The following PIK3C3 variants were observed in gnomAD, a reference collection of about 807,000 sequenced individuals.
The protein encoded by PIK3C3 is PI3-kinase type 3.
Under a neutral mutation model 126.1 loss-of-function variants are expected in PIK3C3, and 95 were observed. The observed-to-expected ratio is 0.75, with a 90% CI of 0.64 to 0.89. The LOEUF is 0.89. Ranked by LOEUF, PIK3C3 falls within the 40% of genes least tolerant of loss-of-function variation. The pLI, the probability that PIK3C3 is intolerant of heterozygous loss-of-function variation, is 0.00. For missense variants in PIK3C3, 829 were observed against 1,063.2 expected, an observed-to-expected ratio of 0.78 and a Z score of 3.06; for synonymous variants, 374 against 360.0, an observed-to-expected ratio of 1.04 and a Z score of -0.44.
At chr18:42,076,966 A>AT (rs548653054) in intron 24 of PIK3C3, among the ~76,000 whole-genome samples, 1 of 151,960 alleles carries the variant, frequency 6.6e-6, no homozygotes, top group African/African-American at 2.4e-5. Flanking sequence ...TTTTATTTTT[A>AT]TTTTTTTCCT....
chr18:41,984,608 CAGCTATGGATCATTT>C (rs1217996774), intron 4 of PIK3C3, among the ~76,000 whole-genome samples: 4 of 152,250 alleles, frequency 2.6e-5, no homozygotes, highest in African/African-American at 9.6e-5. Flanking sequence ...AAGAGGAAGG[CAGCTATGGATCATTT>C]AGCAATTGTG....
chr18:42,005,501 A>G (rs1982500600), intron 10 of PIK3C3, among the ~76,000 whole-genome samples: 1 of 152,322 alleles, frequency 6.6e-6, no homozygotes, highest in East Asian at 1.9e-4. Context: ...TTGGGCTTTA[A>G]TAATTCTTTA....
chr18:42,062,945 T>C (rs1985381893), intron 22 of PIK3C3, among the ~76,000 whole-genome samples: 1 of 152,158 alleles, frequency 6.6e-6, no homozygotes, highest in African/African-American at 2.4e-5. Flanking sequence ...GGATCATCTA[T>C]TTCATCTCCA....
chr18:41,966,486 A>G (rs955730506), intron 3 of PIK3C3, among the ~76,000 whole-genome samples: 3 of 151,972 alleles, frequency 2.0e-5, no homozygotes, highest in Admixed American at 2.0e-4. Flanking sequence ...TCTTTACTTG[A>G]TATCTTTATT....
chr18:42,051,544 GA>G (rs541416327), intron 21 of PIK3C3, among the ~76,000 whole-genome samples: 2 of 152,078 alleles, frequency 1.3e-5, no homozygotes, highest in South Asian at 4.1e-4. Context: ...TATTACATAT[GA>G]AAAATCATCT....
At chr18:42,015,319 C>A (rs1460703480) in intron 11 of PIK3C3, among the ~76,000 whole-genome samples, 157 bp from the exon 12 acceptor site, 1 of 152,152 alleles carries the variant, frequency 6.6e-6, no homozygotes, top group African/African-American at 2.4e-5. Context: ...TGCGCTTTTT[C>A]CAGAGTACAA....
chr18:41,983,991 C>T (rs930835794), intron 4 of PIK3C3, among the ~76,000 whole-genome samples: 1 of 148,912 alleles, frequency 6.7e-6, no homozygotes, highest in Admixed American at 6.7e-5. Context: ...TTCTTCCAAA[C>T]TCTTTGTGAC....
intron 15 of PIK3C3, 48 bp downstream of exon 15, chr18:42,029,489 G>C (rs765179468): frequency 3.7e-6 from 3 of 820,070 alleles, no homozygotes; most frequent in Admixed American, 1.9e-5. Flanking sequence ...CTTGGCATCA[G>C]AAAATACTGA....
At chr18:42,041,255 A>G (rs1984304760) in intron 19 of PIK3C3, among the ~76,000 whole-genome samples, 1 of 152,104 alleles carries the variant, frequency 6.6e-6, no homozygotes, top group Admixed American at 6.5e-5. Flanking sequence ...ACGTTTATTT[A>G]TACTTGCATT....
chr18:42,049,016 T>C (rs752246331), intron 20 of PIK3C3, among the ~76,000 whole-genome samples: 2 of 152,224 alleles, frequency 1.3e-5, no homozygotes, highest in Non-Finnish European at 2.9e-5. Flanking sequence ...GCCTTGATCA[T>C]GTAATTTTTC....
intron 13 of PIK3C3, among the ~76,000 whole-genome samples, chr18:42,023,934 C>G (rs1256790904): frequency 6.6e-6 from 1 of 152,118 alleles, no homozygotes; most frequent in African/African-American, 2.4e-5. Flanking sequence ...TATAGTTGTG[C>G]AGACAATCCT....
At chr18:42,000,363 T>G (rs892275647) in intron 9 of PIK3C3, among the ~76,000 whole-genome samples, 2 of 152,070 alleles carry the variant, frequency 1.3e-5, no homozygotes, top group African/African-American at 2.4e-5. Flanking sequence ...ACAAGTGATA[T>G]TTTAAGGAGT....
In PIK3C3 at chr18:41,970,473, G is replaced by A. The variant is rs1980610482; in HGVS notation, c.531+17G>A. ...CTTGCCAAGGTAAAAAAAGTCATTT[G>A]GAACAGGTGCAAAGCTCTGACTGAT... On this transcript the variant is annotated intron_variant, in intron 4 of 24. Transcript: ENST00000262039. 1.2e-6 allele frequency: 2 copies of A among 1,611,458 alleles called. No homozygotes were observed. The highest frequency in any genetic ancestry group is 8.5e-7 in the Non-Finnish European group (1 of 1,178,326).
At chr18:41,961,648 G>A (rs1980092297) in intron 2 of PIK3C3, among the ~76,000 whole-genome samples, 1 of 152,138 alleles carries the variant, frequency 6.6e-6, no homozygotes, top group East Asian at 1.9e-4. Context: ...TGAGTAAACA[G>A]AAATAGAATT....
intron 24 of PIK3C3, among the ~76,000 whole-genome samples, chr18:42,070,056 A>C (rs910468355): frequency 6.6e-6 from 1 of 152,100 alleles, no homozygotes; most frequent in South Asian, 2.1e-4. Context: ...GCTTCACTCA[A>C]TAGGTCTGGC....
At chr18:41,963,187 C>G (rs1424696156) in intron 3 of PIK3C3, among the ~76,000 whole-genome samples, 2 of 152,082 alleles carry the variant, frequency 1.3e-5, no homozygotes, top group Non-Finnish European at 2.9e-5. Context: ...TTGTGACATT[C>G]TGTTATTATT....
intron 9 of PIK3C3, 25 bp from the exon 10 acceptor site, chr18:42,004,331 A>G (rs760213963): frequency 3.8e-6 from 6 of 1,581,978 alleles, no homozygotes; most frequent in Non-Finnish European, 5.2e-6. Context: ...GCTGTTTCTA[A>G]TTTTTAAATA....
At chr18:41,993,739 G>A (rs1269018136) in intron 7 of PIK3C3, among the ~76,000 whole-genome samples, 3 of 152,088 alleles carry the variant, frequency 2.0e-5, no homozygotes, top group Non-Finnish European at 2.9e-5. Context: ...ATGAATGCGT[G>A]AAAGTTTTAG....
At chr18:41,980,388 T>C (rs1981138489) in intron 4 of PIK3C3, among the ~76,000 whole-genome samples, 1 of 152,230 alleles carries the variant, frequency 6.6e-6, no homozygotes, top group Admixed American at 6.5e-5. Context: ...TTAGTTATGA[T>C]GTCTACAGTA....
Sources: allele counts gnomAD v4.1 joint callset (sites outside exome capture counted in the v4.1 genomes callset), GRCh38; gene constraint gnomAD v4.1.1; transcripts MANE v1.5; gene names NCBI Gene and HGNC (gene_info 2026-07-23, HGNC 2026-07-21).